TAS2R1: variants seen among roughly 807,000 people sequenced by gnomAD.
TAS2R1 encodes the protein taste receptor type 2 member 1.
For synonymous variants in TAS2R1, 141 were observed against 134.2 expected, an observed-to-expected ratio of 1.05 and a Z score of -0.35; for missense variants, 370 against 353.4, an observed-to-expected ratio of 1.05 and a Z score of -0.38.
chr5:9,695,529 TG>T (rs145810633), intron 1 of TAS2R1, among the ~76,000 whole-genome samples: 7,137 of 152,168 alleles, frequency 0.047, 534 homozygotes, highest in African/African-American at 0.16. Context: ...TGCTGCATTT[TG>T]AAGATCTGAA....
chr5:9,883,260 G>A, the TAS2R1 span: 3 of 152,180 alleles, frequency 2.0e-5, no homozygotes, highest in Admixed American at 2.0e-4. Context: ...AGGAAGAATA[G>A]CTAATGCATC....
At chr5:9,876,120 C>A in the TAS2R1 span, among the ~76,000 whole-genome samples, 1 of 151,898 alleles carries the variant, frequency 6.6e-6, no homozygotes, top group Non-Finnish European at 1.5e-5. Flanking sequence ...GTCTGGTAGC[C>A]CCTGAAGAGC....
chr5:9,720,588 G>C, the TAS2R1 span, among the ~76,000 whole-genome samples: 2 of 152,230 alleles, frequency 1.3e-5, no homozygotes, highest in African/African-American at 2.4e-5. Context: ...AGTCTGACGA[G>C]AAAGAGAGTG....
At chr5:9,728,098 C>G in the TAS2R1 span, among the ~76,000 whole-genome samples, 1 of 152,002 alleles carries the variant, frequency 6.6e-6, no homozygotes, top group Non-Finnish European at 1.5e-5. Context: ...GTCTCCTCCC[C>G]CTAGATTAAA....
chr5:9,874,914 A>G, the TAS2R1 span, among the ~76,000 whole-genome samples: 2 of 152,228 alleles, frequency 1.3e-5, no homozygotes, highest in Non-Finnish European at 2.9e-5. Flanking sequence ...CCCCAAAAGT[A>G]ATGCAGATGG....
At chr5:9,855,903 T>C in the TAS2R1 span, among the ~76,000 whole-genome samples, 33 of 152,358 alleles carry the variant, frequency 2.2e-4, no homozygotes, top group Admixed American at 4.6e-4. Flanking sequence ...AAAGATATTA[T>C]AGCCCTACAT....
At chr5:9,759,544 C>G in the TAS2R1 span, among the ~76,000 whole-genome samples, 145 of 152,262 alleles carry the variant, frequency 9.5e-4, no homozygotes, top group Middle Eastern at 6.8e-3. Flanking sequence ...TATTCTTATA[C>G]AAACTAAAGT....
chr5:9,692,891 C>T (rs190047159), intron 1 of TAS2R1, among the ~76,000 whole-genome samples: 137 of 152,212 alleles, frequency 9.0e-4, no homozygotes, highest in African/African-American at 3.2e-3. Flanking sequence ...AAAATTTATT[C>T]ACCAAGGAAG....
chr5:9,660,056 C>CTTTTTTTTTTGTTTTTTTTTT (rs1740499266), intron 1 of TAS2R1: 1 of 123,116 alleles, frequency 8.1e-6, no homozygotes, highest in African/African-American at 3.1e-5. Context: ...TGAAATATTT[C>CTTTTTTTTTTGTTTTTTTTTT]TTTTTTTTTT....
At chr5:9,717,341 G>A (rs754676005), upstream of TAS2R1, among the ~76,000 whole-genome samples, 1 of 151,710 alleles carries the variant, frequency 6.6e-6, no homozygotes, top group Non-Finnish European at 1.5e-5. Context: ...GGGGGAATAA[G>A]GAGCCTGCAG....
chr5:9,748,758 G>T, the TAS2R1 span, among the ~76,000 whole-genome samples: 1 of 152,104 alleles, frequency 6.6e-6, no homozygotes, highest in Non-Finnish European at 1.5e-5. Context: ...ATCCCATTAG[G>T]CCTCACTTCC....
the TAS2R1 span, among the ~76,000 whole-genome samples, chr5:9,783,270 C>A: frequency 6.6e-6 from 1 of 152,204 alleles, no homozygotes; most frequent in Non-Finnish European, 1.5e-5. Flanking sequence ...AAGATAATCT[C>A]AACGATTCTA....
At chr5:9,761,912 C>A in the TAS2R1 span, among the ~76,000 whole-genome samples, 1 of 152,158 alleles carries the variant, frequency 6.6e-6, no homozygotes. Context: ...TGAAGTCTGG[C>A]AAAATTCCCA....
At chr5:9,788,144 C>T in the TAS2R1 span, among the ~76,000 whole-genome samples, 1 of 152,108 alleles carries the variant, frequency 6.6e-6, no homozygotes, top group East Asian at 1.9e-4. Context: ...TGGAGAGAGA[C>T]CAGAGAGCTT....
At chr5:9,645,975 G>A (rs983485986) in intron 2 of TAS2R1, among the ~76,000 whole-genome samples, 3 of 152,146 alleles carry the variant, frequency 2.0e-5, no homozygotes, top group Admixed American at 6.6e-5. Flanking sequence ...CACATTGGGT[G>A]TGCTGAAATA....
chr5:9,890,166 G>A, the TAS2R1 span, among the ~76,000 whole-genome samples: 35 of 152,278 alleles, frequency 2.3e-4, no homozygotes, highest in Admixed American at 1.5e-3. Context: ...AACAAGTTGA[G>A]TTGGAGACAC....
chr5:9,902,010 A>G, the TAS2R1 span, among the ~76,000 whole-genome samples: 6 of 152,040 alleles, frequency 3.9e-5, no homozygotes, highest in African/African-American at 1.2e-4. Flanking sequence ...ACTCCTGTTA[A>G]TCTTCCATTA....
At chr5:9,710,962 T>TA (rs1741722849) in intron 1 of TAS2R1, among the ~76,000 whole-genome samples, 1 of 130,590 alleles carries the variant, frequency 7.7e-6, no homozygotes, top group Non-Finnish European at 1.6e-5. Context: ...ATAATTATAT[T>TA]TATATATAAT....
chr5:9,813,393 C>T, the TAS2R1 span, among the ~76,000 whole-genome samples: 252 of 152,280 alleles, frequency 1.7e-3, 1 homozygote, highest in Middle Eastern at 0.02. Context: ...GAAACCACTT[C>T]GAGGTCATAA....
Sources: gnomAD v4.1 joint callset for allele counts (sites outside exome capture counted in the v4.1 genomes callset) on GRCh38, gnomAD v4.1.1 for gene constraint, MANE v1.5 for transcripts, NCBI Gene and HGNC (gene_info 2026-07-23, HGNC 2026-07-21) for gene names.